The following AGAP1 variants were observed in gnomAD, a reference collection of about 807,000 sequenced individuals.
The protein encoded by AGAP1 is ArfGAP with GTPase domain, ankyrin repeat and PH domain 1, also known as arf-GAP with GTPase, ANK repeat and PH domain-containing protein 1.
In AGAP1, 29 loss-of-function variants were observed where a neutral mutation model predicts 105.3. That is an observed-to-expected ratio of 0.28 (90% CI 0.21 to 0.38). The LOEUF is 0.38. AGAP1 is among the 10% of genes least tolerant of loss of function. AGAP1 has a pLI of 1.00. For missense variants in AGAP1, 998 were observed against 1,165.1 expected, an observed-to-expected ratio of 0.86 and a Z score of 2.09; for synonymous variants, 509 against 485.9, an observed-to-expected ratio of 1.05 and a Z score of -0.63.
Position 236,120,054 on chromosome 2 carries a change from G to T in AGAP1, c.2115-138G>T, listed in dbSNP as rs1199501648. The T allele has an allele frequency of 1.6e-6, 2 of 1,227,046 alleles. No homozygotes were observed. Among genetic ancestry groups the T allele is most frequent in the African/African-American group, 3.0e-5 (2 of 65,730 alleles). 76.0% of individuals were successfully genotyped at this position (1,227,046 alleles called of 1,614,324 possible). ...AGGTGGATAAACGTTTCCCCCAGGGGGCTTTGTGCCGAGTGAAGACCTTTG... is the reference window on the plus strand; with the variant it reads ...AGGTGGATAAACGTTTCCCCCAGGGTGCTTTGTGCCGAGTGAAGACCTTTG... On this transcript the variant is annotated intron_variant, in intron 16 of 17. Transcript: ENST00000304032. This position sits in a 1 kb window ranked among gnomAD's most constrained non-coding sequence, Gnocchi z 6.0.
Position 235,608,763 on chromosome 2 carries a change from A to G in AGAP1, c.164-100416A>G, listed in dbSNP as rs1214375727. Reference sequence around the variant, plus strand: ...GTAGGGGAGAGAGGAGCAATTTTCCATGGAATATATCTGATGGCAGGTCTT... The same window carrying G: ...GTAGGGGAGAGAGGAGCAATTTTCCGTGGAATATATCTGATGGCAGGTCTT... On this transcript the variant is annotated intron_variant, in intron 1 of 17. Transcript: ENST00000304032. This position sits in a 1 kb window ranked among gnomAD's most constrained non-coding sequence, Gnocchi z 5.4. Among the ~76,000 whole-genome samples the G allele has an allele frequency of 2.6e-5, 4 of 152,110 alleles. No individual in the cohort carries two copies. The highest frequency in any genetic ancestry group is 4.1e-4 in the South Asian group (2 of 4,826).
intron 1 of AGAP1, among the ~76,000 whole-genome samples, chr2:235,529,121 C>T (rs1942955700): frequency 6.6e-6 from 1 of 152,252 alleles, no homozygotes; most frequent in East Asian, 1.9e-4. Flanking sequence ...TAGGCCACAC[C>T]TCTGCTGCCT....
In AGAP1 at chr2:235,752,143, C is replaced by G. The variant is rs73996343; in HGVS notation, c.673+1655C>G. Among the ~76,000 whole-genome samples the G allele has an allele frequency of 6.6e-6, 1 of 152,184 alleles. No homozygotes were observed. The highest frequency in any genetic ancestry group is 2.4e-5 in the African/African-American group (1 of 41,436). Reference sequence around the variant, plus strand: ...GTCGTAGATGAAGGGTCCCCAGGCCCGTGCATGAGGCCAGCTGCCTGTTTT... The same window carrying G: ...GTCGTAGATGAAGGGTCCCCAGGCCGGTGCATGAGGCCAGCTGCCTGTTTT... On this transcript the variant is annotated intron_variant, in intron 6 of 17. Coordinates refer to ENST00000304032, the MANE Select transcript of AGAP1 (RefSeq NM_001037131.3). This position sits in a 1 kb window ranked among gnomAD's most constrained non-coding sequence, Gnocchi z 4.3.
At chr2:235,666,131 G>T (rs1948120134) in intron 1 of AGAP1, among the ~76,000 whole-genome samples, 1 of 151,928 alleles carries the variant, frequency 6.6e-6, no homozygotes, top group Non-Finnish European at 1.5e-5. Flanking sequence ...CCTCTCTCGC[G>T]CAGCATTAGT....
chr2:236,072,186 A>G (rs981821403), intron 16 of AGAP1: 4 of 147,144 alleles, frequency 2.7e-5, no homozygotes, highest in African/African-American at 1.0e-4. Context: ...TCACGCCTAT[A>G]ATCCCAGGAC....
intron 10 of AGAP1, among the ~76,000 whole-genome samples, chr2:235,897,820 C>T (rs2050877606): frequency 6.6e-6 from 1 of 152,160 alleles, no homozygotes; most frequent in South Asian, 2.1e-4. Context: ...TAAATATTTT[C>T]TTCTTTGGCT....
rs1348417157 is a variant in AGAP1, at chr2:235,882,051, GTTTTT to G, written c.1051-1293_1051-1289del. ...TGGGTTTTTCTGGGGTTTTTTTGTG[GTTTTT>G]GTTTTGTTTTGTTTTGGTGGGTTTT... On this transcript the variant is annotated intron_variant, in intron 9 of 17. Coordinates refer to ENST00000304032, the MANE Select transcript of AGAP1 (RefSeq NM_001037131.3). The surrounding 1 kb of genome is among the most constrained non-coding windows in gnomAD (Gnocchi z 4.6). 6.6e-6 allele frequency among the ~76,000 whole-genome samples: 1 copy of G among 151,988 alleles called. No homozygotes were observed. The highest frequency in any genetic ancestry group is 2.4e-5 in the African/African-American group (1 of 41,396).
chr2:235,887,358 G>A lies in AGAP1; in HGVS notation c.1155+3909G>A, dbSNP rs74882256. Among the ~76,000 whole-genome samples, 2,909 of 152,170 alleles carry A rather than the reference G, an allele frequency of 0.019. 88 individuals are homozygous for A. Among genetic ancestry groups the A allele is most frequent in the African/African-American group, 0.063 (2,628 of 41,508 alleles). ...CAGCGTGAAGTGGGGCCTCTCCCTG[G>A]TAACACCCTATTGTCTGAACATGGG... On this transcript the variant is annotated intron_variant, in intron 10 of 17. Coordinates refer to ENST00000304032, the MANE Select transcript of AGAP1 (RefSeq NM_001037131.3). This position sits in a 1 kb window ranked among gnomAD's most constrained non-coding sequence, Gnocchi z 4.1.
At chr2:235,998,868 TTGGTGG>T (rs760942733) in intron 13 of AGAP1, among the ~76,000 whole-genome samples, 4 of 144,474 alleles carry the variant, frequency 2.8e-5, no homozygotes, top group East Asian at 2.1e-4. Flanking sequence ...ATGGTGAGAG[TTGGTGG>T]TGGTGGTGGT....
intron 1 of AGAP1, among the ~76,000 whole-genome samples, chr2:235,634,272 G>A (rs1041496789): frequency 1.3e-5 from 2 of 152,246 alleles, no homozygotes; most frequent in Admixed American, 6.5e-5. Context: ...CCAGTTCACT[G>A]TGTATCTCTG....
rs1943795685 is a variant in AGAP1, at chr2:235,551,140, A to G, written c.163+56291A>G. Reference sequence around the variant, plus strand: ...AGAAGTGGGGGGTCGGGGGCATCCCACCTCCCTGGCCACCTCCAGTGGTGT... The same window carrying G: ...AGAAGTGGGGGGTCGGGGGCATCCCGCCTCCCTGGCCACCTCCAGTGGTGT... On this transcript the variant is annotated intron_variant, in intron 1 of 17. Coordinates refer to ENST00000304032, the MANE Select transcript of AGAP1 (RefSeq NM_001037131.3). The surrounding 1 kb of genome is among the most constrained non-coding windows in gnomAD (Gnocchi z 4.8). Among the ~76,000 whole-genome samples, 1 of 151,864 alleles carries G rather than the reference A, an allele frequency of 6.6e-6. No individual in the cohort carries two copies. The highest frequency in any genetic ancestry group is 2.4e-5 in the African/African-American group (1 of 41,320).
intron 1 of AGAP1, among the ~76,000 whole-genome samples, chr2:235,516,114 C>T (rs1208219704): frequency 6.9e-6 from 1 of 145,224 alleles, no homozygotes; most frequent in Non-Finnish European, 1.5e-5. Flanking sequence ...TTCCCATGGA[C>T]TCTCCCTCAC....
At chr2:236,086,443 A>G (rs1338477032) in intron 16 of AGAP1, among the ~76,000 whole-genome samples, 1 of 152,202 alleles carries the variant, frequency 6.6e-6, no homozygotes, top group Non-Finnish European at 1.5e-5. Flanking sequence ...GGAAAATATT[A>G]TTTTATGTAA....
Position 235,574,024 on chromosome 2 carries a change from C to T in AGAP1, c.163+79175C>T, listed in dbSNP as rs375435100. Among the ~76,000 whole-genome samples, 1 of 152,234 alleles carries T rather than the reference C, an allele frequency of 6.6e-6. No individual in the cohort carries two copies. The highest frequency in any genetic ancestry group is 2.1e-4 in the South Asian group (1 of 4,832). ...TTGGCCAGGAGCCCACTGGCTTCAC[C>T]AGACCCTGACTGTTAGCTGGTCAGG... On this transcript the variant is annotated intron_variant, in intron 1 of 17. Coordinates refer to ENST00000304032, the MANE Select transcript of AGAP1 (RefSeq NM_001037131.3). The surrounding 1 kb of genome is among the most constrained non-coding windows in gnomAD (Gnocchi z 5.0).
chr2:236,061,507 C>T lies in AGAP1; in HGVS notation c.2114+12226C>T, dbSNP rs1031560263. Among the ~76,000 whole-genome samples, 2 of 152,320 alleles carry T rather than the reference C, an allele frequency of 1.3e-5. No homozygotes were observed. Among genetic ancestry groups the T allele is most frequent in the African/African-American group, 2.4e-5 (1 of 41,572 alleles). ...AACATGGTCTGTCCGTACACCAGAACGTGATTCTGCCATGGGAAGGAGTGA... is the reference window on the plus strand; with the variant it reads ...AACATGGTCTGTCCGTACACCAGAATGTGATTCTGCCATGGGAAGGAGTGA... On this transcript the variant is annotated intron_variant, in intron 16 of 17. Coordinates refer to ENST00000304032, the MANE Select transcript of AGAP1 (RefSeq NM_001037131.3). The surrounding 1 kb of genome is among the most constrained non-coding windows in gnomAD (Gnocchi z 4.1).
chr2:235,908,874 A>T lies in AGAP1; in HGVS notation c.1292A>T (p.Asp431Val). The change falls in exon 11 of 18, where the codon GAC (aspartate) becomes GTC (valine). Residue 431 changes from aspartate (D) to valine (V), a missense_variant. Asp to Val is a radical substitution (Grantham distance 152). This residue lies in a region of AGAP1 where 735 missense variants were observed against 833.4 expected (regional missense o/e 0.88). Transcript: ENST00000304032. The surrounding 1 kb of genome is among the most constrained non-coding windows in gnomAD (Gnocchi z 4.4). ...SSPKTNGLSKDMSSLHISPNS... is the reference protein window; with the variant it reads ...SSPKTNGLSKVMSSLHISPNS... ...CCTAAAACCAATGGCCTATCCAAGG[A>T]CATGAGCAGTTTACACATCTCACCC... 1 of 1,614,076 alleles carries T rather than the reference A, an allele frequency of 6.2e-7. No homozygotes were observed. Among genetic ancestry groups the T allele is most frequent in the Non-Finnish European group, 8.5e-7 (1 of 1,179,960 alleles).
At position 235,589,194 on chromosome 2, in the gene AGAP1, G is replaced by GTTTTTTTTTTTTTT. The variant is rs928149334; in HGVS notation, c.163+94360_163+94373dup. 2.3e-4 allele frequency among the ~76,000 whole-genome samples: 14 copies of GTTTTTTTTTTTTTT among 59,614 alleles called. 1 individual carries two copies. The highest frequency in any genetic ancestry group is 7.2e-4 in the African/African-American group (9 of 12,570). The allele number at this position is 59,614 out of a possible 152,430, so 39.1% of individuals were successfully genotyped here. A position where few individuals can be genotyped will look rare whatever the true frequency, so the allele number is the denominator to read the frequency against. On this transcript the variant is annotated intron_variant, in intron 1 of 17. Transcript: ENST00000304032. ...CTACCAGTTAATAGCTTATTGTTTT[G>GTTTTTTTTTTTTTT]TTTTTTTTTTTTTTTTTTTTTTTTT...
rs1361530984 is a variant in AGAP1, at chr2:235,612,309, A to G, written c.164-96870A>G. The stretch of plus-strand genomic sequence containing the variant: ...TGATTGCACCCCTCCTGTGGCGTGG[A>G]GGCGGTGCCTGGTTAAAGTGGGGCT... On this transcript the variant is annotated intron_variant, in intron 1 of 17. Coordinates refer to ENST00000304032, the MANE Select transcript of AGAP1 (RefSeq NM_001037131.3). The surrounding 1 kb of genome is among the most constrained non-coding windows in gnomAD (Gnocchi z 4.3). Among the ~76,000 whole-genome samples, 1 of 152,070 alleles carries G rather than the reference A, an allele frequency of 6.6e-6. No homozygotes were observed. The highest frequency in any genetic ancestry group is 1.5e-5 in the Non-Finnish European group (1 of 68,026).
At position 235,967,432 on chromosome 2, in the gene AGAP1, C is replaced by T. The variant is rs570359679; in HGVS notation, c.1484-1030C>T. ...TTCTGATGGACTCCAGGTTCTGGCC[C>T]GGCTGCCATGTCACTGCCACTCCAC... is the stretch of plus-strand genomic sequence containing the variant. On this transcript the variant is annotated intron_variant, in intron 12 of 17. Transcript: ENST00000304032. This position sits in a 1 kb window ranked among gnomAD's most constrained non-coding sequence, Gnocchi z 4.7. 1.1e-4 allele frequency among the ~76,000 whole-genome samples: 16 copies of T among 152,320 alleles called. No homozygotes were observed. The highest frequency in any genetic ancestry group is 1.7e-4 in the African/African-American group (7 of 41,572).
Sources: gnomAD v4.1 joint callset for allele counts (sites outside exome capture counted in the v4.1 genomes callset) on GRCh38, gnomAD v4.1.1 for gene constraint, gnomAD v4.1.1 regional missense constraint, Gnocchi (gnomAD v3.1) non-coding constraint, MANE v1.5 for transcripts, NCBI Gene and HGNC (gene_info 2026-07-23, HGNC 2026-07-21) for gene names.